The following DUSP16 variants were observed in gnomAD, a reference collection of about 807,000 sequenced individuals.
DUSP16 encodes the protein dual specificity protein phosphatase 16.
Under a neutral mutation model 58.3 loss-of-function variants are expected in DUSP16, and 21 were observed. That is an observed-to-expected ratio of 0.36 (90% CI 0.26 to 0.52). The LOEUF (loss-of-function observed/expected upper bound fraction) is 0.52, where lower values mean the gene tolerates loss of function less well. Among genes scored for constraint, DUSP16 ranks in the 20% least tolerant of loss-of-function variants. DUSP16 has a pLI of 0.94. For missense variants in DUSP16, 726 were observed against 819.0 expected, an observed-to-expected ratio of 0.89 and a Z score of 1.39; for synonymous variants, 320 against 323.8, an observed-to-expected ratio of 0.99 and a Z score of 0.12.
In DUSP16 at chr12:12,477,206, T is replaced by G. The variant is rs139231748; in HGVS notation, c.1625A>C (p.Asp542Ala). ...AGLGLKGWHS[D>A]ILAPQTSTPS... ...GGTAGAGGTCTGGGGGGCCAAGATA[T>G]CCGAGTGCCAGCCCTTAAGGCCCAG... The change falls in exon 7 of 7, where the codon GAT becomes GCT. Residue 542 changes from aspartate (D) to alanine (A), a missense_variant. By Grantham distance (126) the Asp-to-Ala change is moderately radical. Transcript: ENST00000298573. This position sits in a 1 kb window ranked among gnomAD's most constrained non-coding sequence, Gnocchi z 4.1. 7.0e-3 allele frequency: 11,250 copies of G among 1,614,078 alleles called. 55 individuals carry two copies. The highest frequency in any genetic ancestry group is 9.0e-3 in the Non-Finnish European group (10,658 of 1,180,000).
intron 1 of DUSP16, among the ~76,000 whole-genome samples, chr12:12,547,286 G>A (rs948145623): frequency 7.3e-5 from 11 of 151,612 alleles, no homozygotes; most frequent in East Asian, 5.8e-4. Flanking sequence ...AAAATTAGCC[G>A]GGCGTGGTGG....
At chr12:12,515,778 CT>C (rs1011664600) in intron 3 of DUSP16, among the ~76,000 whole-genome samples, 11 of 151,242 alleles carry the variant, frequency 7.3e-5, no homozygotes, top group East Asian at 1.9e-4. Flanking sequence ...TAATAGAGAA[CT>C]TTTTTTTTCT....
intron 1 of DUSP16, among the ~76,000 whole-genome samples, chr12:12,526,156 G>T (rs1310278933): frequency 6.6e-6 from 1 of 152,128 alleles, no homozygotes; most frequent in African/African-American, 2.4e-5. Context: ...AATGACTACA[G>T]ATCATGGAAG....
chr12:12,493,385 C>T (rs1023509094), intron 4 of DUSP16, among the ~76,000 whole-genome samples: 2 of 152,152 alleles, frequency 1.3e-5, no homozygotes, highest in Non-Finnish European at 1.5e-5. Context: ...GCCTCCTAAC[C>T]GGCCTTCCTG....
chr12:12,500,745 C>A, intron 3 of DUSP16, 63 bp from the exon 4 acceptor site: 1 of 1,410,288 alleles, frequency 7.1e-7, no homozygotes, highest in Non-Finnish European at 9.4e-7. Context: ...AACCAGCTTT[C>A]TGTGAACTGC....
intron 4 of DUSP16, among the ~76,000 whole-genome samples, chr12:12,490,587 C>A (rs1381730848): frequency 6.6e-6 from 1 of 152,146 alleles, no homozygotes; most frequent in Non-Finnish European, 1.5e-5. Context: ...AATAAACATG[C>A]ATGAATACAC....
At position 12,477,899 on chromosome 12, in the gene DUSP16, A is replaced by C; in HGVS notation, c.932T>G (p.Leu311Arg). ...TGGCTTCTCCAGGTGCAGCAGCTTGAGTTTGCTCTTTGGCCCTGATGCTCC... is the reference window on the plus strand; with the variant it reads ...TGGCTTCTCCAGGTGCAGCAGCTTGCGTTTGCTCTTTGGCCCTGATGCTCC... ...QTGASGPKSK[L>R]KLLHLEKPNE... The change falls in exon 7 of 7, where the codon CTC becomes CGC. Residue 311 changes from leucine (L) to arginine (R), a missense_variant. Physicochemically the swap from Leu to Arg is moderately radical, Grantham distance 102 (BLOSUM62 -2). Transcript: ENST00000298573. The surrounding 1 kb of genome is among the most constrained non-coding windows in gnomAD (Gnocchi z 4.1). 6.2e-7 allele frequency: 1 copy of C among 1,614,104 alleles called. No homozygotes were observed. The highest frequency in any genetic ancestry group is 8.5e-7 in the Non-Finnish European group (1 of 1,180,032).
intron 1 of DUSP16, among the ~76,000 whole-genome samples, chr12:12,551,632 G>C (rs1311849385): frequency 6.6e-6 from 1 of 151,148 alleles, no homozygotes; most frequent in Non-Finnish European, 1.5e-5. Flanking sequence ...ACTGTGATTT[G>C]CTTAATATTG....
At chr12:12,526,562 T>C (rs1400315305) in intron 1 of DUSP16, among the ~76,000 whole-genome samples, 2 of 152,214 alleles carry the variant, frequency 1.3e-5, no homozygotes, top group Non-Finnish European at 2.9e-5. Context: ...AAACCAGTAT[T>C]TGCCATTAAT....
intron 1 of DUSP16, among the ~76,000 whole-genome samples, chr12:12,560,420 T>A (rs2136277902): frequency 6.6e-6 from 1 of 152,286 alleles, no homozygotes. Flanking sequence ...AAAATCCAAC[T>A]CTTGGGCTGG....
At chr12:12,501,684 A>G (rs1489495759) in intron 3 of DUSP16, among the ~76,000 whole-genome samples, 1 of 152,144 alleles carries the variant, frequency 6.6e-6, no homozygotes, top group East Asian at 1.9e-4. Flanking sequence ...ATCCTCGTAT[A>G]TTTTTAACAT....
intron 4 of DUSP16, among the ~76,000 whole-genome samples, chr12:12,489,861 A>G (rs1442685316): frequency 5.9e-5 from 9 of 152,256 alleles, no homozygotes; most frequent in African/African-American, 2.2e-4. Context: ...TAATTAGACA[A>G]TGACACACGG....
chr12:12,479,776 C>G (rs1943527168), intron 6 of DUSP16, among the ~76,000 whole-genome samples: 1 of 152,176 alleles, frequency 6.6e-6, no homozygotes, highest in African/African-American at 2.4e-5. Context: ...AGAATGGAGT[C>G]TGACAGTTAA....
intron 1 of DUSP16, among the ~76,000 whole-genome samples, 172 bp downstream of exon 1, chr12:12,561,945 C>T (rs1370186793): frequency 1.3e-5 from 2 of 150,506 alleles, no homozygotes; most frequent in East Asian, 1.9e-4. Context: ...CGCCGCCTCC[C>T]GAAAGGGTGG....
Position 12,475,301 on chromosome 12 carries a change from T to G in DUSP16, c.*1532A>C, listed in dbSNP as rs1453539346. ...GGACCCACATTGTAGCTGATAAAAC[T>G]CAAGCCAGGAGGATGTTTGAAAGCC... is the stretch of plus-strand genomic sequence containing the variant. On this transcript the variant is annotated 3_prime_UTR_variant, in exon 7 of 7. Coordinates refer to ENST00000298573, the MANE Select transcript of DUSP16 (RefSeq NM_030640.3). 2.1e-5 allele frequency: 3 copies of G among 141,248 alleles called. No homozygotes were observed. Among genetic ancestry groups the G allele is most frequent in the African/African-American group, 7.7e-5 (3 of 39,006 alleles). 8.7% of individuals were successfully genotyped at this position (141,248 alleles called of 1,614,324 possible).
intron 1 of DUSP16, among the ~76,000 whole-genome samples, chr12:12,522,709 G>A (rs762390504): frequency 4.4e-4 from 67 of 151,506 alleles, no homozygotes; most frequent in African/African-American, 1.4e-3. Context: ...GACTACAGGC[G>A]CGCACCACCA....
At chr12:12,489,034 C>T (rs752643315) in intron 4 of DUSP16, among the ~76,000 whole-genome samples, 3 of 152,120 alleles carry the variant, frequency 2.0e-5, no homozygotes, top group Admixed American at 1.3e-4. Flanking sequence ...GAGCTGAGAT[C>T]GCGCCATTGC....
chr12:12,504,579 A>G (rs11612508), intron 3 of DUSP16, among the ~76,000 whole-genome samples: 33,150 of 151,756 alleles, frequency 0.22, 4,557 homozygotes, highest in Admixed American at 0.28. Context: ...GTGTTTCTCT[A>G]AAGAACTGTC....
chr12:12,505,169 C>T (rs904822611), intron 3 of DUSP16, among the ~76,000 whole-genome samples: 2 of 152,126 alleles, frequency 1.3e-5, no homozygotes, highest in Non-Finnish European at 2.9e-5. Context: ...CTCAGAATCA[C>T]GTAATATAAT....
Sources: gnomAD v4.1 joint callset for allele counts (sites outside exome capture counted in the v4.1 genomes callset) on GRCh38, gnomAD v4.1.1 for gene constraint, Gnocchi (gnomAD v3.1) non-coding constraint, MANE v1.5 for transcripts, NCBI Gene and HGNC (gene_info 2026-07-23, HGNC 2026-07-21) for gene names.